The following CORIN variants were observed in gnomAD, a reference collection of about 807,000 sequenced individuals.
The protein encoded by CORIN is corin, serine peptidase.
In CORIN, 117 loss-of-function variants were observed where a neutral mutation model predicts 125.3. The observed-to-expected ratio is 0.93, with a 90% CI of 0.80 to 1.09. The LOEUF (loss-of-function observed/expected upper bound fraction) is 1.09. CORIN is among the 50% of genes least tolerant of loss of function. The probability of loss-of-function intolerance (pLI) is 0.00; values close to 1 mark genes in which losing one functional copy is unlikely to be tolerated. For synonymous variants in CORIN, 450 were observed against 466.4 expected (o/e 0.96, Z 0.45); for missense variants, 1,253 against 1,306.7 (o/e 0.96, Z 0.63).
intron 13 of CORIN, among the ~76,000 whole-genome samples, chr4:47,649,014 C>A (rs1331669813): frequency 6.6e-6 from 1 of 152,208 alleles, no homozygotes; most frequent in Non-Finnish European, 1.5e-5. Context: ...GCAGCTGGAA[C>A]AGAGGACCTG....
intron 3 of CORIN, among the ~76,000 whole-genome samples, chr4:47,767,065 C>G (rs951697599): frequency 4.0e-5 from 6 of 151,612 alleles, no homozygotes; most frequent in African/African-American, 1.2e-4. Context: ...AAGGCATAAA[C>G]TCATAACAGC....
chr4:47,641,870 C>A, intron 16 of CORIN, 50 bp downstream of exon 16: 1 of 1,592,886 alleles, frequency 6.3e-7, no homozygotes, highest in African/African-American at 1.3e-5. Context: ...CTGCCAAGTT[C>A]CACAAAGCCT....
At chr4:47,768,884 G>A (rs950815570) in intron 3 of CORIN, among the ~76,000 whole-genome samples, 1 of 152,216 alleles carries the variant, frequency 6.6e-6, no homozygotes, top group African/African-American at 2.4e-5. Flanking sequence ...TGGGAAAAGA[G>A]AAAAGCCATC....
rs1044793490 is a variant in CORIN, at chr4:47,799,106, G to GGGGT, written c.208+7796_208+7797insACCC. Among the ~76,000 whole-genome samples the GGGGT allele has an allele frequency of 5.7e-5, 8 of 141,552 alleles. No homozygotes were observed. In the South Asian group the frequency reaches 1.2e-3, roughly 20 times the overall value. The allele number at this position is 141,552 out of a possible 152,430, so 92.9% of individuals were successfully genotyped here. ...TTTATGGCTGCATAGTATCCCATGG[G>GGGGT]GTGTGTGTGTGTGTGTGTGTGTGTG... is the stretch of plus-strand genomic sequence containing the variant. On this transcript the variant is annotated intron_variant, in intron 2 of 21. Transcript: ENST00000273857.
chr4:47,703,476 A>G (rs1047320723), intron 5 of CORIN, among the ~76,000 whole-genome samples: 1 of 152,230 alleles, frequency 6.6e-6, no homozygotes, highest in Non-Finnish European at 1.5e-5. Flanking sequence ...ACTATTCACA[A>G]TCATGACCTG....
At position 47,754,030 on chromosome 4, in the gene CORIN, G is replaced by A. The variant is rs139124142; in HGVS notation, c.617+9349C>T. Among the ~76,000 whole-genome samples the A allele has an allele frequency of 1.3e-4, 20 of 152,292 alleles. No homozygotes were observed. In the East Asian group the frequency reaches 3.9e-3, roughly 29 times the overall value. On this transcript the variant is annotated intron_variant, in intron 4 of 21. Coordinates refer to ENST00000273857, the MANE Select transcript of CORIN (RefSeq NM_006587.4). The stretch of plus-strand genomic sequence containing the variant: ...ACACATAATACCGATGAATTATTGA[G>A]GAGAAAAGTACTGCACAGAGCTTGA...
chr4:47,810,484 T>C lies in CORIN; in HGVS notation c.64-3437A>G, dbSNP rs114719342. Reference sequence around the variant, plus strand: ...TTTACTAATCTTGTTACTGAAAATGTGTTTCTTCTATCTTAAGAACTACAT... The same window carrying C: ...TTTACTAATCTTGTTACTGAAAATGCGTTTCTTCTATCTTAAGAACTACAT... On this transcript the variant is annotated intron_variant, in intron 1 of 21. Transcript: ENST00000273857. Among the ~76,000 whole-genome samples, 1,029 of 152,320 alleles carry C rather than the reference T, an allele frequency of 6.8e-3. 13 individuals carry two copies. Among genetic ancestry groups the C allele is most frequent in the African/African-American group, 0.022 (925 of 41,566 alleles).
intron 13 of CORIN, among the ~76,000 whole-genome samples, chr4:47,647,913 A>T (rs917521993): frequency 1.3e-5 from 2 of 152,156 alleles, no homozygotes; most frequent in Non-Finnish European, 2.9e-5. Context: ...TACAAATAAT[A>T]ATGCCTGCTT....
rs772643113 is a variant in CORIN at position 47,744,570 on chromosome 4, G to T, written c.631C>A (p.Pro211Thr). Residue 211 changes from proline (P) to threonine (T), a missense_variant, in exon 5 of 22, where the codon CCC (proline) becomes ACC (threonine). Physicochemically the swap from Pro to Thr is conservative, Grantham distance 38 (BLOSUM62 -1). Coordinates refer to ENST00000273857, the MANE Select transcript of CORIN (RefSeq NM_006587.4). ...GCAGCCTCACAGAAGGACCTACAGG[G>T]CAGGAGTCCATGACTAAAAAAAAAA... ...IDGDDSHGLL[P>T]CRSFCEAAKE... 2 of 1,592,662 alleles carry T rather than the reference G, an allele frequency of 1.3e-6. No homozygotes were observed. Among genetic ancestry groups the T allele is most frequent in the Non-Finnish European group, 8.5e-7 (1 of 1,172,614 alleles).
At chr4:47,818,942 G>A (rs10517200) in intron 1 of CORIN, among the ~76,000 whole-genome samples, 24,994 of 149,978 alleles carry the variant, frequency 0.17, 2,281 homozygotes, top group East Asian at 0.33. Context: ...TGGATATATT[G>A]AACAGGGTAA....
At chr4:47,790,649 C>T (rs1175369131) in intron 2 of CORIN, among the ~76,000 whole-genome samples, 1 of 151,986 alleles carries the variant, frequency 6.6e-6, no homozygotes, top group Non-Finnish European at 1.5e-5. Flanking sequence ...CTAAGTTCTC[C>T]GTAACTGTTA....
chr4:47,663,449 G>T (rs867917319), intron 11 of CORIN, among the ~76,000 whole-genome samples: 2 of 151,786 alleles, frequency 1.3e-5, no homozygotes, highest in Non-Finnish European at 2.9e-5. Flanking sequence ...TATAAAATTC[G>T]TAGTGATAGA....
intron 5 of CORIN, among the ~76,000 whole-genome samples, chr4:47,702,829 C>T (rs1217330470): frequency 6.6e-6 from 1 of 152,186 alleles, no homozygotes; most frequent in Non-Finnish European, 1.5e-5. Flanking sequence ...CACTTCCAAT[C>T]CCATGAAGAA....
chr4:47,623,612 A>G lies in CORIN; in HGVS notation c.2499T>C (p.Ile833=). 6.2e-7 allele frequency: 1 copy of G among 1,614,188 alleles called. No homozygotes were observed. Among genetic ancestry groups the G allele is most frequent in the Non-Finnish European group, 8.5e-7 (1 of 1,180,018 alleles). ...PSGHICGCVL[I]AKKWVLTVAH... The stretch of plus-strand genomic sequence containing the variant: ...CAACTGTCAGAACCCACTTCTTGGC[A>G]ATGAGGACACAGCCACAGATATGTC... The change falls in exon 19 of 22, where the codon ATT becomes ATC. Residue 833 remains isoleucine (I), a synonymous_variant. Coordinates refer to ENST00000273857, the MANE Select transcript of CORIN (RefSeq NM_006587.4).
chr4:47,746,252 C>T (rs2109840394), intron 4 of CORIN, among the ~76,000 whole-genome samples: 1 of 152,322 alleles, frequency 6.6e-6, no homozygotes, highest in East Asian at 1.9e-4. Flanking sequence ...CATAAAATTA[C>T]TATATGCAGT....
chr4:47,763,719 AG>A, intron 3 of CORIN, 133 bp from the exon 4 acceptor site: 1 of 672,792 alleles, frequency 1.5e-6, no homozygotes, highest in East Asian at 2.7e-5. Flanking sequence ...TCATACACAT[AG>A]GTGCATGTAA....
At chr4:47,738,338 A>G (rs939855743) in intron 5 of CORIN, among the ~76,000 whole-genome samples, 3 of 152,186 alleles carry the variant, frequency 2.0e-5, no homozygotes, top group African/African-American at 7.2e-5. Context: ...ACTCTGCTAC[A>G]GTACTGACTA....
At chr4:47,769,092 C>CT (rs1729898796) in intron 3 of CORIN, among the ~76,000 whole-genome samples, 1 of 151,994 alleles carries the variant, frequency 6.6e-6, no homozygotes, top group East Asian at 1.9e-4. Context: ...ACAAGGAAAC[C>CT]TGTTAGAATA....
intron 13 of CORIN, among the ~76,000 whole-genome samples, chr4:47,647,876 C>A (rs1723556568): frequency 6.6e-6 from 1 of 152,150 alleles, no homozygotes; most frequent in Admixed American, 6.5e-5. Context: ...TTAACTTCTC[C>A]AAACTTTGGT....
Sources: gnomAD v4.1 joint callset for allele counts (sites outside exome capture counted in the v4.1 genomes callset) on GRCh38, gnomAD v4.1.1 for gene constraint, MANE v1.5 for transcripts, NCBI Gene and HGNC (gene_info 2026-07-23, HGNC 2026-07-21) for gene names.